Variants in STARD3 observed in about 807,000 individuals in gnomAD.
STARD3 encodes stAR-related lipid transfer protein 3.
STARD3 carries 39 observed loss-of-function variants against 62.0 expected under a neutral mutation model. That is an observed-to-expected ratio of 0.63 (90% CI 0.49 to 0.82). The LOEUF is 0.82. STARD3 is among the 40% of genes least tolerant of loss of function. STARD3 has a pLI of 0.00. For missense variants in STARD3, 543 were observed against 584.5 expected (o/e 0.93, Z 0.73); for synonymous variants, 229 against 242.4 (o/e 0.94, Z 0.51).
At chr17:39,644,607 G>A (rs886774478) in intron 1 of STARD3, among the ~76,000 whole-genome samples, 5 of 151,098 alleles carry the variant, frequency 3.3e-5, no homozygotes, top group African/African-American at 4.9e-5. Context: ...AGGCCAAGGC[G>A]GGGAGATTGC....
chr17:39,661,018 G>A lies in STARD3; in HGVS notation c.1072G>A (p.Asp358Asn), dbSNP rs2057191821. Residue 358 changes from aspartate (D) to asparagine (N), a missense_variant, in exon 13 of 15, where the codon GAC (aspartate) becomes AAC (asparagine). Transcript: ENST00000336308. ...TGTCCGGCGCATTGAGCGGCGCAGG[G>A]ACCGATACTTGTCATCAGGGATCGC... is the stretch of plus-strand genomic sequence containing the variant. ...VNVRRIERRR[D>N]RYLSSGIATS... 4 of 1,613,654 alleles carry A rather than the reference G, an allele frequency of 2.5e-6. No individual in the cohort carries two copies. In the Admixed American group the frequency reaches 5.0e-5, roughly 20 times the overall value.
In STARD3 at chr17:39,659,073, A is replaced by G; in HGVS notation, c.669A>G (p.Glu223=). Residue 223 remains glutamate (E), a synonymous_variant, in exon 8 of 15, where the codon GAA becomes GAG. Coordinates refer to ENST00000336308, the MANE Select transcript of STARD3 (RefSeq NM_006804.4). ...CAGGGTCTGACAATGAATCAGATGA[A>G]GAAGTTGCTGGGAAGAAAAGTTTCT... ...SFAGSDNESD[E]EVAGKKSFSA... 6.2e-7 allele frequency: 1 copy of G among 1,612,732 alleles called. No individual in the cohort carries two copies. Among genetic ancestry groups the G allele is most frequent in the Non-Finnish European group, 8.5e-7 (1 of 1,179,816 alleles).
chr17:39,652,187 C>G (rs113737824), intron 1 of STARD3, among the ~76,000 whole-genome samples: 34 of 152,262 alleles, frequency 2.2e-4, no homozygotes, highest in African/African-American at 7.9e-4. Context: ...ACTGGGCTGG[C>G]CTCCAGAGTG....
intron 2 of STARD3, among the ~76,000 whole-genome samples, chr17:39,655,293 C>T (rs2057116356): frequency 6.6e-6 from 1 of 152,168 alleles, no homozygotes; most frequent in Non-Finnish European, 1.5e-5. Flanking sequence ...TCAAGGGTTC[C>T]TCCCACCTCA....
intron 1 of STARD3, among the ~76,000 whole-genome samples, chr17:39,641,128 TC>T (rs144665523): frequency 0.042 from 6,405 of 152,254 alleles, 317 homozygotes; most frequent in African/African-American, 0.12. Context: ...GGGAACCTAC[TC>T]CCAAGTTTTT....
intron 8 of STARD3, 142 bp from the exon 9 acceptor site, chr17:39,659,319 A>G: frequency 2.0e-6 from 2 of 996,326 alleles, no homozygotes; most frequent in Non-Finnish European, 3.0e-6. Context: ...TGCAGGGCCC[A>G]GGGAGACCAG....
At chr17:39,641,506 C>T (rs1408904179) in intron 1 of STARD3, among the ~76,000 whole-genome samples, 1 of 152,064 alleles carries the variant, frequency 6.6e-6, no homozygotes, top group East Asian at 1.9e-4. Context: ...CCAGGGTCTA[C>T]CCTTCCATTC....
chr17:39,659,102 C>T lies in STARD3; in HGVS notation c.698C>T (p.Ala233Val), dbSNP rs1436663203. 2 of 1,614,214 alleles carry T rather than the reference C, an allele frequency of 1.2e-6. No homozygotes were observed. The highest frequency in any genetic ancestry group is 2.2e-5 in the South Asian group (2 of 91,086). Residue 233 changes from alanine to valine, a missense_variant, in exon 8 of 15, where the codon GCT becomes GTT. Coordinates refer to ENST00000336308, the MANE Select transcript of STARD3 (RefSeq NM_006804.4). ...GTTGCTGGGAAGAAAAGTTTCTCTG[C>T]TCAGGTATTTGCCTGCCTACCCCTA... The part of the protein sequence containing the change: ...EEVAGKKSFS[A>V]QEREYIRQGK...
At chr17:39,658,306 G>T in intron 5 of STARD3, 99 bp from the exon 6 acceptor site, 1 of 1,112,672 alleles carries the variant, frequency 9.0e-7, no homozygotes, top group East Asian at 2.4e-5. Flanking sequence ...CCAGGAATGG[G>T]GTGTATGCCA....
At chr17:39,639,001 A>G (rs756969002) in intron 1 of STARD3, among the ~76,000 whole-genome samples, 8 of 152,192 alleles carry the variant, frequency 5.3e-5, no homozygotes, top group Non-Finnish European at 7.3e-5. Flanking sequence ...CTAGCTGAGC[A>G]TGGTGGTACG....
chr17:39,646,401 T>C (rs1405473293), intron 1 of STARD3, among the ~76,000 whole-genome samples: 3 of 152,052 alleles, frequency 2.0e-5, no homozygotes, highest in Admixed American at 2.0e-4. Context: ...TGCAGGTGTG[T>C]GTTACCACGC....
At chr17:39,658,938 T>A in intron 7 of STARD3, 113 bp from the exon 8 acceptor site, 3 of 1,558,414 alleles carry the variant, frequency 1.9e-6, no homozygotes, top group Non-Finnish European at 1.8e-6. Flanking sequence ...CCAGCAACCC[T>A]CTCCCACACA....
Position 39,661,010 on chromosome 17 carries a change from G to C in STARD3, c.1064G>C (p.Arg355Pro), listed in dbSNP as rs775939365. The C allele has an allele frequency of 1.9e-6, 3 of 1,613,664 alleles. No individual in the cohort carries two copies. In the African/African-American group the frequency reaches 4.0e-5, roughly 22 times the overall value. Residue 355 changes from arginine to proline, a missense_variant, in exon 13 of 15, where the codon CGG (arginine) becomes CCG (proline). Transcript: ENST00000336308. ...TTCGTGAATGTCCGGCGCATTGAGCGGCGCAGGGACCGATACTTGTCATCA... is the reference window on the plus strand; with the variant it reads ...TTCGTGAATGTCCGGCGCATTGAGCCGCGCAGGGACCGATACTTGTCATCA... ...RDFVNVRRIERRRDRYLSSGI... is the reference protein window; with the variant it reads ...RDFVNVRRIEPRRDRYLSSGI...
chr17:39,660,399 G>T lies in STARD3; in HGVS notation c.859-32G>T. The stretch of plus-strand genomic sequence containing the variant: ...GGGTTGGTCTGCCCGAGCCCATCTG[G>T]CACCACCCAGCCCTCTGCCGCCCTG... On this transcript the variant is annotated intron_variant, in intron 10 of 14. Transcript: ENST00000336308. This position sits in a 1 kb window ranked among gnomAD's most constrained non-coding sequence, Gnocchi z 4.8. The T allele has an allele frequency of 6.2e-7, 1 of 1,612,708 alleles. No individual in the cohort carries two copies. The highest frequency in any genetic ancestry group is 1.7e-4 in the Middle Eastern group (1 of 6,050).
At chr17:39,639,516 G>C (rs2056964541) in intron 1 of STARD3, among the ~76,000 whole-genome samples, 2 of 152,260 alleles carry the variant, frequency 1.3e-5, no homozygotes, top group South Asian at 4.1e-4. Flanking sequence ...AGAGGCTGGA[G>C]TGGGCTCAGA....
intron 1 of STARD3, chr17:39,651,953 G>C (rs1227558813): frequency 6.6e-6 from 1 of 152,244 alleles, no homozygotes; most frequent in African/African-American, 2.4e-5. Flanking sequence ...GGCAGAGACT[G>C]TAGGCCTGGG....
At chr17:39,640,082 C>T (rs2056969777) in intron 1 of STARD3, among the ~76,000 whole-genome samples, 2 of 152,346 alleles carry the variant, frequency 1.3e-5, no homozygotes, top group South Asian at 2.1e-4. Context: ...AGGACTTGCA[C>T]TGTGTCCAGC....
chr17:39,662,266 TG>T lies in STARD3; in HGVS notation c.1160del (p.Gly387AlafsTer108). 6.2e-7 allele frequency: 1 copy of T among 1,613,908 alleles called. No individual in the cohort carries two copies. The highest frequency in any genetic ancestry group is 1.1e-5 in the South Asian group (1 of 91,032). ...HKYVRGENGP[G>X]GFIVLKSASN... ...CTTTCCATAGGGGAGAGAATGGCCCTGGGGGCTTCATCGTGCTCAAGTCGGC... is the reference window on the plus strand; with the variant it reads ...CTTTCCATAGGGGAGAGAATGGCCCTGGGGCTTCATCGTGCTCAAGTCGGC... On this transcript the variant is annotated frameshift_variant, in exon 14 of 15. Transcript: ENST00000336308. LOFTEE classifies it high-confidence loss of function.
At chr17:39,646,616 G>C (rs1179428044) in intron 1 of STARD3, among the ~76,000 whole-genome samples, 3 of 152,162 alleles carry the variant, frequency 2.0e-5, no homozygotes, top group African/African-American at 7.2e-5. Flanking sequence ...CTTTGCCCCA[G>C]AGCACACAGC....
Sources: gnomAD v4.1 joint callset for allele counts (sites outside exome capture counted in the v4.1 genomes callset) on GRCh38, gnomAD v4.1.1 for gene constraint, Gnocchi (gnomAD v3.1) non-coding constraint, MANE v1.5 for transcripts, NCBI Gene and HGNC (gene_info 2026-07-23, HGNC 2026-07-21) for gene names.